Variants in DENND1A observed in about 807,000 individuals in gnomAD.
The protein encoded by DENND1A is DENN domain-containing protein 1A.
Under a neutral mutation model 113.7 loss-of-function variants are expected in DENND1A, and 51 were observed. That is an observed-to-expected ratio of 0.45 (90% CI 0.36 to 0.57). The LOEUF is 0.57. Among genes scored for constraint, DENND1A ranks in the 20% least tolerant of loss-of-function variants. DENND1A has a pLI of 0.00. For synonymous variants in DENND1A, 565 were observed against 570.8 expected, an observed-to-expected ratio of 0.99 and a Z score of 0.14; for missense variants, 1,258 against 1,395.9, an observed-to-expected ratio of 0.90 and a Z score of 1.57.
At chr9:123,919,714 T>G (rs1464800401) in intron 1 of DENND1A, among the ~76,000 whole-genome samples, 1 of 150,288 alleles carries the variant, frequency 6.7e-6, no homozygotes, top group Non-Finnish European at 1.5e-5. Context: ...AAATCTCATC[T>G]CTACCAACAA....
chr9:123,854,625 G>A (rs570735193), intron 2 of DENND1A, among the ~76,000 whole-genome samples: 11 of 151,702 alleles, frequency 7.3e-5, no homozygotes, highest in African/African-American at 7.3e-5. Context: ...AACCCAGGAC[G>A]CAGAGGGTGC....
chr9:123,740,699 T>C (rs898586896), intron 5 of DENND1A, among the ~76,000 whole-genome samples: 2 of 152,168 alleles, frequency 1.3e-5, no homozygotes, highest in African/African-American at 4.8e-5. Context: ...ATTATCTTTC[T>C]TTTACAGATG....
At chr9:123,628,627 T>C (rs570467796) in intron 10 of DENND1A, among the ~76,000 whole-genome samples, 5 of 152,316 alleles carry the variant, frequency 3.3e-5, no homozygotes, top group African/African-American at 1.2e-4. Context: ...TATCCTTTCC[T>C]ATCTGCAAAC....
rs1477578971 is a variant in DENND1A at position 123,764,934 on chromosome 9, AT to A, written c.182+4579del. Reference sequence around the variant, plus strand: ...GTTGTCATCAACACTGTAGAAAATAATCATGGGGCACAGCTGAACCTATATT... The same window carrying A: ...GTTGTCATCAACACTGTAGAAAATAACATGGGGCACAGCTGAACCTATATT... On this transcript the variant is annotated intron_variant, in intron 4 of 23. Transcript: ENST00000394215. The surrounding 1 kb of genome is among the most constrained non-coding windows in gnomAD (Gnocchi z 4.1). 6.6e-6 allele frequency among the ~76,000 whole-genome samples: 1 copy of A among 152,170 alleles called. No homozygotes were observed. Among genetic ancestry groups the A allele is most frequent in the African/African-American group, 2.4e-5 (1 of 41,440 alleles).
At chr9:123,572,883 G>A (rs935301502) in intron 12 of DENND1A, among the ~76,000 whole-genome samples, 1 of 151,962 alleles carries the variant, frequency 6.6e-6, no homozygotes, top group East Asian at 1.9e-4. Flanking sequence ...AATTCATGAG[G>A]ATTCCCTCTC....
intron 5 of DENND1A, among the ~76,000 whole-genome samples, chr9:123,718,900 C>T (rs2067149731): frequency 6.6e-6 from 1 of 152,182 alleles, no homozygotes; most frequent in Non-Finnish European, 1.5e-5. Context: ...TCCCATAATT[C>T]CCACATGTTG....
chr9:123,813,227 T>C (rs899190058), intron 2 of DENND1A, among the ~76,000 whole-genome samples: 2 of 152,220 alleles, frequency 1.3e-5, no homozygotes, highest in Non-Finnish European at 2.9e-5. Context: ...CCTCCCAATA[T>C]GTGGGATTAC....
rs148319956 is a variant in DENND1A, at chr9:123,639,561, T to C, written c.619-9085A>G. 3.3e-3 allele frequency among the ~76,000 whole-genome samples: 495 copies of C among 150,924 alleles called. 2 individuals carry two copies. The highest frequency in any genetic ancestry group is 0.018 in the Middle Eastern group (5 of 284). On this transcript the variant is annotated intron_variant, in intron 9 of 23. Coordinates refer to ENST00000394215, the MANE Select transcript of DENND1A (RefSeq NM_001352964.2). ...GGGAGGCTGAGGTGGGCAGATCACC[T>C]GAGGTTGGGAGTTCAAGACTAGCCT...
chr9:123,844,586 G>A (rs1842319276), intron 2 of DENND1A, among the ~76,000 whole-genome samples: 1 of 152,042 alleles, frequency 6.6e-6, no homozygotes, highest in South Asian at 2.1e-4. Context: ...CTTAATAAAT[G>A]GAAAGATATC....
At chr9:123,798,727 A>C (rs1834151597) in intron 2 of DENND1A, among the ~76,000 whole-genome samples, 1 of 84,166 alleles carries the variant, frequency 1.2e-5, no homozygotes. Flanking sequence ...GCTGGAGGCA[A>C]AAAAAAAAAA....
intron 19 of DENND1A, among the ~76,000 whole-genome samples, chr9:123,415,396 C>A (rs922952538): frequency 3.9e-5 from 6 of 152,148 alleles, no homozygotes; most frequent in African/African-American, 1.2e-4. Context: ...GAAAGGTGAA[C>A]TCCCAGGGGG....
chr9:123,588,924 T>C (rs780017277), intron 11 of DENND1A, among the ~76,000 whole-genome samples: 1 of 151,956 alleles, frequency 6.6e-6, no homozygotes, highest in Non-Finnish European at 1.5e-5. Flanking sequence ...CATGCCACCA[T>C]ACCCAGCTAA....
intron 2 of DENND1A, among the ~76,000 whole-genome samples, chr9:123,855,546 G>A (rs893432937): frequency 5.9e-5 from 9 of 152,192 alleles, no homozygotes; most frequent in African/African-American, 2.2e-4. Flanking sequence ...GCAGTAGTGA[G>A]CGACAAAGGA....
chr9:123,518,355 T>C (rs2054111255), intron 13 of DENND1A, among the ~76,000 whole-genome samples: 1 of 152,182 alleles, frequency 6.6e-6, no homozygotes, highest in Non-Finnish European at 1.5e-5. Context: ...GATGCAGAGA[T>C]GGCTTTGCTG....
chr9:123,817,318 T>G (rs984685827), intron 2 of DENND1A, among the ~76,000 whole-genome samples: 1 of 152,200 alleles, frequency 6.6e-6, no homozygotes, highest in African/African-American at 2.4e-5. Flanking sequence ...TTCAGTGGGA[T>G]TTCACTGTAG....
chr9:123,528,816 GAC>G (rs777079318), intron 13 of DENND1A, among the ~76,000 whole-genome samples: 2 of 152,152 alleles, frequency 1.3e-5, no homozygotes, highest in South Asian at 4.2e-4. Flanking sequence ...GTCTTTCAAA[GAC>G]ACACTTCATA....
intron 4 of DENND1A, among the ~76,000 whole-genome samples, chr9:123,766,406 C>T (rs983553795): frequency 2.0e-5 from 3 of 152,206 alleles, no homozygotes; most frequent in Admixed American, 6.5e-5. Flanking sequence ...CAATGCTCTA[C>T]ATCCTGAACC....
intron 21 of DENND1A, among the ~76,000 whole-genome samples, chr9:123,391,239 A>G (rs1263908692): frequency 6.6e-6 from 1 of 152,230 alleles, no homozygotes; most frequent in African/African-American, 2.4e-5. Context: ...CAGGAGGCCT[A>G]GCTGTCTCCA....
At chr9:123,521,672 C>T (rs908589405) in intron 13 of DENND1A, among the ~76,000 whole-genome samples, 1 of 152,196 alleles carries the variant, frequency 6.6e-6, no homozygotes, top group African/African-American at 2.4e-5. Context: ...CAAAGGCTGG[C>T]CTCCTTCCTA....
Sources: gnomAD v4.1 joint callset for allele counts (sites outside exome capture counted in the v4.1 genomes callset) on GRCh38, gnomAD v4.1.1 for gene constraint, Gnocchi (gnomAD v3.1) non-coding constraint, MANE v1.5 for transcripts, NCBI Gene and HGNC (gene_info 2026-07-23, HGNC 2026-07-21) for gene names.